Variants in ZNF285 observed in about 807,000 individuals in gnomAD.
ZNF285 encodes the protein zinc finger protein 285A.
ZNF285 carries 4 observed loss-of-function variants against 6.2 expected under a neutral mutation model. The ratio of observed to expected loss-of-function variants is 0.65; its 90% CI spans 0.32 to 1.49. The LOEUF is 1.49. Ranked by LOEUF, ZNF285 falls within the 40% of genes most tolerant of loss-of-function variation. ZNF285 has a pLI of 0.07. For synonymous variants in ZNF285, 240 were observed against 245.8 expected (o/e 0.98, Z 0.22); for missense variants, 695 against 708.8 (o/e 0.98, Z 0.22).
intron 1 of ZNF285, among the ~76,000 whole-genome samples, chr19:44,399,486 T>G (rs1373173772): frequency 6.8e-6 from 1 of 147,830 alleles, no homozygotes; most frequent in Non-Finnish European, 1.5e-5. Context: ...TTTCTCAATA[T>G]TAACAAATGC....
chr19:44,387,564 T>C lies in ZNF285; in HGVS notation c.681A>G (p.Val227=). 1.2e-6 allele frequency: 2 copies of C among 1,613,968 alleles called. No homozygotes were observed. Among genetic ancestry groups the C allele is most frequent in the South Asian group, 1.1e-5 (1 of 91,072 alleles). The change falls in exon 4 of 4, where the codon GTA becomes GTG. Residue 227 remains valine, a synonymous_variant. Transcript: ENST00000614994. The stretch of plus-strand genomic sequence containing the variant: ...TATTACATGGGAAAGGCTGTGGTAA[T>C]ACATGGGCCGCATTACGTTTTTCAA... The part of the protein sequence containing the change: ...STVEKRNAAH[V]LPQPFPCNNC...
rs1971356681 is a variant in ZNF285, at chr19:44,400,481, T to C, written c.-44+1087A>G. On this transcript the variant is annotated intron_variant, in intron 1 of 3. Coordinates refer to ENST00000614994, the MANE Select transcript of ZNF285 (RefSeq NM_152354.6). The stretch of plus-strand genomic sequence containing the variant: ...TTGTTGAGTGTAATTTAACAACTTA[T>C]ATTTGCTAATGTGCTTTATAATACT... Among the ~76,000 whole-genome samples, 3 of 152,206 alleles carry C rather than the reference T, an allele frequency of 2.0e-5. 1 individual carries two copies. Among genetic ancestry groups the C allele is most frequent in the African/African-American group, 7.2e-5 (3 of 41,418 alleles).
intron 3 of ZNF285, among the ~76,000 whole-genome samples, chr19:44,390,965 C>T (rs537455338): frequency 6.6e-5 from 10 of 151,960 alleles, no homozygotes; most frequent in African/African-American, 2.4e-4. Context: ...GCCATCTTGG[C>T]CGACATGGTG....
rs1971055766 is a variant in ZNF285, at chr19:44,385,577, A to C, written c.*895T>G. 6.6e-6 allele frequency: 1 copy of C among 152,234 alleles called. No individual in the cohort carries two copies. The highest frequency in any genetic ancestry group is 2.4e-5 in the African/African-American group (1 of 41,458). The allele number at this position is 152,234 out of a possible 1,614,324, so 9.4% of individuals were successfully genotyped here. A position where few individuals can be genotyped will look rare whatever the true frequency, so the allele number is the denominator to read the frequency against. On this transcript the variant is annotated 3_prime_UTR_variant, in exon 4 of 4. Transcript: ENST00000614994. ...ATGACAATGAAACATATTGCTATAA[A>C]ATCCCTCCATGCTAGTCAGGATAGC...
chr19:44,392,684 T>TG, intron 2 of ZNF285: 1 of 827,368 alleles, frequency 1.2e-6, no homozygotes, highest in South Asian at 1.4e-5. Flanking sequence ...GCTCTCACTG[T>TG]GTCCTTACAT....
intron 2 of ZNF285, among the ~76,000 whole-genome samples, chr19:44,392,869 C>G (rs1010575419): frequency 1.3e-5 from 2 of 152,136 alleles, no homozygotes. Context: ...AGTAGCATTT[C>G]ATGAGTTCAT....
rs200167944 is a variant in ZNF285 at position 44,388,104 on chromosome 19, T to C, written c.143-2A>G. On this transcript the variant is annotated splice_acceptor_variant, in intron 3 of 3. Coordinates refer to ENST00000614994, the MANE Select transcript of ZNF285 (RefSeq NM_152354.6). LOFTEE classifies it high-confidence loss of function. ...AAATGTTGTTTTTAATCCCGTCTCCTAGGAGAAGAAAGAGAATTTGGCTAA... is the reference window on the plus strand; with the variant it reads ...AAATGTTGTTTTTAATCCCGTCTCCCAGGAGAAGAAAGAGAATTTGGCTAA... 2 of 1,607,996 alleles carry C rather than the reference T, an allele frequency of 1.2e-6. No individual in the cohort carries two copies. Among genetic ancestry groups the C allele is most frequent in the East Asian group, 2.2e-5 (1 of 44,816 alleles).
chr19:44,386,666 G>C lies in ZNF285; in HGVS notation c.1579C>G (p.Leu527Val). Residue 527 changes from leucine to valine, a missense_variant, in exon 4 of 4, where the codon CTT becomes GTT. Transcript: ENST00000614994. ...GTGTGGACTCTGAGGTGAACATTAAGATCTGAATTCCGGCTGAAGCCTTTA... is the reference window on the plus strand; with the variant it reads ...GTGTGGACTCTGAGGTGAACATTAACATCTGAATTCCGGCTGAAGCCTTTA... ...CGKGFSRNSDLNVHLRVHTGE... is the reference protein window; with the variant it reads ...CGKGFSRNSDVNVHLRVHTGE... 6.2e-7 allele frequency: 1 copy of C among 1,614,124 alleles called. No homozygotes were observed. The highest frequency in any genetic ancestry group is 8.5e-7 in the Non-Finnish European group (1 of 1,180,018).
rs144531657 is a variant in ZNF285 at position 44,393,350 on chromosome 19, T to G, written c.16-884A>C. 1.1e-3 allele frequency among the ~76,000 whole-genome samples: 173 copies of G among 152,300 alleles called. 1 individual carries two copies. The highest frequency in any genetic ancestry group is 4.1e-3 in the African/African-American group (169 of 41,534). Reference sequence around the variant, plus strand: ...CGTTTTCCTGATAAATTGAAATTTCTCAAAATAAAAGGATGCGGGTAATCA... The same window carrying G: ...CGTTTTCCTGATAAATTGAAATTTCGCAAAATAAAAGGATGCGGGTAATCA... On this transcript the variant is annotated intron_variant, in intron 2 of 3. Coordinates refer to ENST00000614994, the MANE Select transcript of ZNF285 (RefSeq NM_152354.6).
Position 44,397,746 on chromosome 19 carries a change from T to C in ZNF285, c.-43-490A>G, listed in dbSNP as rs550319537. On this transcript the variant is annotated intron_variant, in intron 1 of 3. Transcript: ENST00000614994. Reference sequence around the variant, plus strand: ...CTAAAAATACAAAATTAGCTGGGTGTGGTGGCGGATGCCTGTAATCCCAGC... The same window carrying C: ...CTAAAAATACAAAATTAGCTGGGTGCGGTGGCGGATGCCTGTAATCCCAGC... Among the ~76,000 whole-genome samples, 20 of 152,050 alleles carry C rather than the reference T, an allele frequency of 1.3e-4. No homozygotes were observed. The South Asian group carries it at 1.5e-3, about 11-fold the overall frequency.
rs117475020 is a variant in ZNF285, at chr19:44,385,348, C to T, written c.*1124G>A. 1.7e-4 allele frequency: 26 copies of T among 152,222 alleles called. No individual in the cohort carries two copies. In the East Asian group the frequency reaches 3.7e-3, roughly 21 times the overall value. The allele number at this position is 152,222 out of a possible 1,614,324, so 9.4% of individuals were successfully genotyped here. A position where few individuals can be genotyped will look rare whatever the true frequency, so the allele number is the denominator to read the frequency against. ...TTTCTCTATTATATGAGATTTCTTA[C>T]GTCGGTGGGTTATACTTTTCAGTAA... On this transcript the variant is annotated 3_prime_UTR_variant, in exon 4 of 4. Transcript: ENST00000614994.
chr19:44,388,596 A>C (rs1294768139), intron 3 of ZNF285, among the ~76,000 whole-genome samples: 1 of 152,010 alleles, frequency 6.6e-6, no homozygotes, highest in Non-Finnish European at 1.5e-5. Context: ...AAGGAATAAA[A>C]GGAAATCTTA....
chr19:44,390,997 T>C (rs1297781774), intron 3 of ZNF285, among the ~76,000 whole-genome samples: 4 of 151,720 alleles, frequency 2.6e-5, no homozygotes, highest in Non-Finnish European at 5.9e-5. Flanking sequence ...CTACTAATAA[T>C]ACAAAGATTA....
At chr19:44,394,262 G>A (rs897349480) in intron 2 of ZNF285, among the ~76,000 whole-genome samples, 1 of 152,030 alleles carries the variant, frequency 6.6e-6, no homozygotes, top group African/African-American at 2.4e-5. Context: ...GGACTGTTGT[G>A]GGGTGGGGGG....
chr19:44,387,190 C>G lies in ZNF285; in HGVS notation c.1055G>C (p.Gly352Ala). The G allele has an allele frequency of 5.0e-6, 8 of 1,613,264 alleles. No individual in the cohort carries two copies. The highest frequency in any genetic ancestry group is 6.8e-6 in the Non-Finnish European group (8 of 1,179,802). Residue 352 changes from glycine to alanine, a missense_variant, in exon 4 of 4, where the codon GGG (glycine) becomes GCG (alanine). Transcript: ENST00000614994. ...MPYKCDECGKGFGFRSLLCIH... is the reference protein window; with the variant it reads ...MPYKCDECGKAFGFRSLLCIH... ...ACAAAGAAGTGACCTAAATCCAAAC[C>G]CTTTCCCACATTCATCGCATTTGTA...
Position 44,393,725 on chromosome 19 carries a change from A to G in ZNF285, c.16-1259T>C, listed in dbSNP as rs185559196. On this transcript the variant is annotated intron_variant, in intron 2 of 3. Coordinates refer to ENST00000614994, the MANE Select transcript of ZNF285 (RefSeq NM_152354.6). ...CCACAATGAGATACCATCTCACACC[A>G]GTTAGAATGGCGATCATTAAAAAGT... 1.2e-3 allele frequency among the ~76,000 whole-genome samples: 176 copies of G among 152,256 alleles called. 2 individuals are homozygous for G. Among genetic ancestry groups the G allele is most frequent in the African/African-American group, 4.1e-3 (172 of 41,508 alleles).
In ZNF285 at chr19:44,384,310, G is replaced by A. The variant is rs1406187478; in HGVS notation, c.*2162C>T. The A allele has an allele frequency of 5.9e-5, 9 of 152,106 alleles. No homozygotes were observed. The highest frequency in any genetic ancestry group is 1.2e-4 in the Non-Finnish European group (8 of 68,032). 9.4% of individuals were successfully genotyped at this position (152,106 alleles called of 1,614,324 possible). A position where few individuals can be genotyped will look rare whatever the true frequency, so the allele number is the denominator to read the frequency against. On this transcript the variant is annotated 3_prime_UTR_variant, in exon 4 of 4. Coordinates refer to ENST00000614994, the MANE Select transcript of ZNF285 (RefSeq NM_152354.6). The stretch of plus-strand genomic sequence containing the variant: ...CTGAAACCATATTTTCCCCACTCAT[G>A]TAATTACATCCTAAAAATACATTCT...
Position 44,385,580 on chromosome 19 carries a change from C to G in ZNF285, c.*892G>C, listed in dbSNP as rs1971055801. The G allele has an allele frequency of 6.6e-6, 1 of 152,178 alleles. No individual in the cohort carries two copies. Among genetic ancestry groups the G allele is most frequent in the African/African-American group, 2.4e-5 (1 of 41,428 alleles). 9.4% of individuals were successfully genotyped at this position (152,178 alleles called of 1,614,324 possible). A position where few individuals can be genotyped will look rare whatever the true frequency, so the allele number is the denominator to read the frequency against. On this transcript the variant is annotated 3_prime_UTR_variant, in exon 4 of 4. Coordinates refer to ENST00000614994, the MANE Select transcript of ZNF285 (RefSeq NM_152354.6). ...ACAATGAAACATATTGCTATAAAATCCCTCCATGCTAGTCAGGATAGCCTA... is the reference window on the plus strand; with the variant it reads ...ACAATGAAACATATTGCTATAAAATGCCTCCATGCTAGTCAGGATAGCCTA...
At position 44,399,404 on chromosome 19, in the gene ZNF285, AT is replaced by A. The variant is rs1173799043; in HGVS notation, c.-43-2149del. On this transcript the variant is annotated intron_variant, in intron 1 of 3. Coordinates refer to ENST00000614994, the MANE Select transcript of ZNF285 (RefSeq NM_152354.6). Reference sequence around the variant, plus strand: ...CTACAAATCCTAAAAAAAAAAAAAAATAACCAAGCTGTAGTCTTTTATCCAC... The same window carrying A: ...CTACAAATCCTAAAAAAAAAAAAAAAAACCAAGCTGTAGTCTTTTATCCAC... Among the ~76,000 whole-genome samples, 1,062 of 144,080 alleles carry A rather than the reference AT, an allele frequency of 7.4e-3. 12 individuals carry two copies. The highest frequency in any genetic ancestry group is 0.027 in the African/African-American group (972 of 35,678). The allele number at this position is 144,080 out of a possible 152,430, so 94.5% of individuals were successfully genotyped here. A position where few individuals can be genotyped will look rare whatever the true frequency, so the allele number is the denominator to read the frequency against.
Sources: allele counts gnomAD v4.1 joint callset (sites outside exome capture counted in the v4.1 genomes callset), GRCh38; gene constraint gnomAD v4.1.1; transcripts MANE v1.5; gene names NCBI Gene and HGNC (gene_info 2026-07-23, HGNC 2026-07-21).